MAP7D2: variants seen among roughly 807,000 people sequenced by gnomAD.
MAP7D2 encodes the protein MAP7 domain-containing protein 2.
MAP7D2 carries 33 observed loss-of-function variants against 63.5 expected under a neutral mutation model. That is an observed-to-expected ratio of 0.52 (90% CI 0.39 to 0.70). The LOEUF (loss-of-function observed/expected upper bound fraction) is 0.70. MAP7D2 is among the 30% of genes least tolerant of loss of function. The pLI is 0.00. For missense variants in MAP7D2, 626 were observed against 604.0 expected, an observed-to-expected ratio of 1.04 and a Z score of -0.38; for synonymous variants, 224 against 223.7, an observed-to-expected ratio of 1.00 and a Z score of -0.01.
intron 1 of MAP7D2, among the ~76,000 whole-genome samples, chrX:20,110,793 C>T (rs372032194): frequency 6.3e-5 from 7 of 111,017 alleles, no homozygotes; most frequent in African/African-American, 2.3e-4. Context: ...AACAAATCCC[C>T]CATGGATACC....
At chrX:20,046,936 T>C (rs990303349) in intron 6 of MAP7D2, among the ~76,000 whole-genome samples, 1 of 112,839 alleles carries the variant, frequency 8.9e-6, no homozygotes, top group Non-Finnish European at 1.9e-5. Context: ...CTGTTTTCCA[T>C]AACTGCTCCT....
At chrX:20,044,240 T>G in intron 7 of MAP7D2, 124 bp downstream of exon 7, 1 of 731,345 alleles carries the variant, frequency 1.4e-6, no homozygotes. Context: ...ATCTACCCTT[T>G]CCTGCTTTGA....
intron 9 of MAP7D2, among the ~76,000 whole-genome samples, 156 bp downstream of exon 9, chrX:20,025,525 C>A (rs1450860927): frequency 8.9e-6 from 1 of 111,889 alleles, no homozygotes; most frequent in Non-Finnish European, 1.9e-5. Flanking sequence ...GGAAAGAACT[C>A]AGGAGCAACG....
intron 1 of MAP7D2, among the ~76,000 whole-genome samples, chrX:20,095,530 C>T (rs1300069617): frequency 1.8e-5 from 2 of 111,056 alleles, no homozygotes; most frequent in East Asian, 5.6e-4. Context: ...CAGAGCAAGA[C>T]CCACCCTGTC....
chrX:20,079,203 C>A (rs926713892), intron 1 of MAP7D2, among the ~76,000 whole-genome samples: 1 of 110,697 alleles, frequency 9.0e-6, no homozygotes, highest in African/African-American at 3.3e-5. Context: ...ACTCCAAGGG[C>A]AGCATGGGAA....
chrX:20,027,225 C>G (rs896593380), intron 8 of MAP7D2, among the ~76,000 whole-genome samples: 1 of 112,248 alleles, frequency 8.9e-6, no homozygotes, highest in Non-Finnish European at 1.9e-5. Context: ...GTGGATGGTG[C>G]TTCGACTCTC....
In MAP7D2 at chrX:20,010,802, G is replaced by A. The variant is rs1274188420; in HGVS notation, c.*1C>T. ...CTTTTATTAAAGGGATGCTGTATTT[G>A]TCAACAGAAGGTGTTGAGAGGAGTT... is the stretch of plus-strand genomic sequence containing the variant. On this transcript the variant is annotated 3_prime_UTR_variant, in exon 16 of 17. Coordinates refer to ENST00000379643, the MANE Select transcript of MAP7D2 (RefSeq NM_001168465.2). The A allele has an allele frequency of 1.7e-6, 2 of 1,204,507 alleles. No individual in the cohort carries two copies. Among genetic ancestry groups the A allele is most frequent in the Non-Finnish European group, 2.2e-6 (2 of 891,425 alleles).
intron 1 of MAP7D2, among the ~76,000 whole-genome samples, chrX:20,108,720 C>CA (rs1367753312): frequency 0.033 from 2,286 of 68,879 alleles, 58 homozygotes; most frequent in African/African-American, 0.1. Flanking sequence ...TGGAAATTTA[C>CA]AAAAAAAAAA....
At chrX:20,010,416 G>A (rs1401690670) in intron 16 of MAP7D2, among the ~76,000 whole-genome samples, 1 of 111,573 alleles carries the variant, frequency 9.0e-6, no homozygotes, top group Non-Finnish European at 1.9e-5. Context: ...CAAAACTAGA[G>A]GTGGGGAAAT....
chrX:20,025,544 C>G, intron 9 of MAP7D2, 137 bp downstream of exon 9: 2 of 816,617 alleles, frequency 2.4e-6, no homozygotes, highest in East Asian at 6.3e-5. Flanking sequence ...CGTGCAAACC[C>G]AAGAAAGCTG....
At chrX:20,069,634 A>G (rs1289891287) in intron 1 of MAP7D2, among the ~76,000 whole-genome samples, 2 of 110,958 alleles carry the variant, frequency 1.8e-5, no homozygotes, top group African/African-American at 6.6e-5. Flanking sequence ...AGGGAAGTGG[A>G]TGTCTATAAA....
chrX:20,082,891 G>GT (rs2065812953), intron 1 of MAP7D2, among the ~76,000 whole-genome samples: 1 of 112,079 alleles, frequency 8.9e-6, no homozygotes, highest in South Asian at 3.7e-4. Flanking sequence ...GCCTCCCAAA[G>GT]TGCTGGGATT....
chrX:20,095,210 T>TTTTGTTTG (rs750423835), intron 1 of MAP7D2, among the ~76,000 whole-genome samples: 4 of 111,263 alleles, frequency 3.6e-5, no homozygotes, highest in South Asian at 3.8e-4. Flanking sequence ...GATTTTAAGG[T>TTTTGTTTG]TTTGTTTGTT....
chrX:20,080,643 A>G (rs1412992308), intron 1 of MAP7D2, among the ~76,000 whole-genome samples: 1 of 110,919 alleles, frequency 9.0e-6, no homozygotes, highest in African/African-American at 3.3e-5. Flanking sequence ...GCACCCCCAC[A>G]TCCCCCAGCA....
chrX:20,057,712 C>G (rs980903030), intron 3 of MAP7D2, among the ~76,000 whole-genome samples: 1 of 111,676 alleles, frequency 9.0e-6, no homozygotes, highest in Admixed American at 9.5e-5. Context: ...CCTCATAAAA[C>G]CCAACCCCGA....
chrX:20,083,881 C>T (rs1169163896), intron 1 of MAP7D2, among the ~76,000 whole-genome samples: 1 of 111,253 alleles, frequency 9.0e-6, no homozygotes, highest in Non-Finnish European at 1.9e-5. Context: ...GCTAAACATT[C>T]TACAGTGCAC....
chrX:20,065,171 C>T (rs1279718217), intron 1 of MAP7D2, among the ~76,000 whole-genome samples: 1 of 111,484 alleles, frequency 9.0e-6, no homozygotes. Context: ...GTCAGGCTCC[C>T]AAGCCTGAAG....
At chrX:20,008,871 G>A (rs908089876) in intron 16 of MAP7D2, among the ~76,000 whole-genome samples, 1 of 112,029 alleles carries the variant, frequency 8.9e-6, no homozygotes, top group Non-Finnish European at 1.9e-5. Context: ...AGAGATGTAA[G>A]AAATAAATTT....
At chrX:20,013,319 T>C (rs2073266128) in intron 13 of MAP7D2, among the ~76,000 whole-genome samples, 187 bp from the exon 14 acceptor site, 1 of 112,161 alleles carries the variant, frequency 8.9e-6, no homozygotes, top group African/African-American at 3.2e-5. Flanking sequence ...TCTTTTTTAT[T>C]CATGGACTAC....
Sources: gnomAD v4.1 joint callset for allele counts (sites outside exome capture counted in the v4.1 genomes callset) on GRCh38, gnomAD v4.1.1 for gene constraint, MANE v1.5 for transcripts, NCBI Gene and HGNC (gene_info 2026-07-23, HGNC 2026-07-21) for gene names.